ERAP1: variants seen among roughly 807,000 people sequenced by gnomAD.
ERAP1 encodes the protein endoplasmic reticulum aminopeptidase 1, also known as adipocyte-derived leucine aminopeptidase.
Under a neutral mutation model 103.7 loss-of-function variants are expected in ERAP1, and 86 were observed. That is an observed-to-expected ratio of 0.83 (90% CI 0.70 to 0.99). The LOEUF (loss-of-function observed/expected upper bound fraction) is 0.99, where lower values mean the gene tolerates loss of function less well. Ranked by LOEUF, ERAP1 falls within the 50% of genes least tolerant of loss-of-function variation. ERAP1 has a pLI of 0.00. For synonymous variants in ERAP1, 398 were observed against 402.4 expected (o/e 0.99, Z 0.13); for missense variants, 1,009 against 1,128.4 (o/e 0.89, Z 1.52).
At chr5:96,887,595 C>T in the ERAP1 span, among the ~76,000 whole-genome samples, 4 of 152,024 alleles carry the variant, frequency 2.6e-5, no homozygotes, top group Non-Finnish European at 4.4e-5. Flanking sequence ...CCACCGTGCC[C>T]GACAGTTTCC....
chr5:96,888,472 A>G, the ERAP1 span, among the ~76,000 whole-genome samples: 86,302 of 152,100 alleles, frequency 0.57, 24,652 homozygotes, highest in African/African-American at 0.62. Context: ...TAGAGTGGGC[A>G]CAAGTATTAA....
chr5:96,858,217 C>CTTTTTTTTT, the ERAP1 span, among the ~76,000 whole-genome samples: 1 of 137,128 alleles, frequency 7.3e-6, no homozygotes. Context: ...TGTTCTTCTT[C>CTTTTTTTTT]TTTTTTTTTT....
chr5:96,784,247 C>G (rs1439341468), intron 13 of ERAP1, among the ~76,000 whole-genome samples, 167 bp from the exon 14 acceptor site: 1 of 152,166 alleles, frequency 6.6e-6, no homozygotes, highest in East Asian at 1.9e-4. Flanking sequence ...GTAATCCCAG[C>G]ACTTTAGGAG....
chr5:96,870,595 C>T, the ERAP1 span, among the ~76,000 whole-genome samples: 35 of 152,140 alleles, frequency 2.3e-4, 1 homozygote, highest in East Asian at 6.8e-3. Context: ...TTCTGAGATG[C>T]CCCAGGGCTC....
At chr5:96,904,025 C>T in the ERAP1 span, among the ~76,000 whole-genome samples, 2 of 152,148 alleles carry the variant, frequency 1.3e-5, no homozygotes, top group South Asian at 4.1e-4. Flanking sequence ...AGCTGCTACA[C>T]CAAATACCGG....
At chr5:96,841,000 G>A in the ERAP1 span, among the ~76,000 whole-genome samples, 6 of 152,118 alleles carry the variant, frequency 3.9e-5, no homozygotes, top group Admixed American at 2.0e-4. Context: ...CACTGCGCCC[G>A]GCCAGGCATT....
chr5:96,788,319 G>A (rs895557324), intron 11 of ERAP1, among the ~76,000 whole-genome samples: 3 of 152,098 alleles, frequency 2.0e-5, no homozygotes, highest in Non-Finnish European at 4.4e-5. Context: ...TAATTACATC[G>A]TCACCTTTAC....
At chr5:96,915,806 A>G in the ERAP1 span, 1 of 1,471,474 alleles carries the variant, frequency 6.8e-7, no homozygotes, top group Non-Finnish European at 9.3e-7. Flanking sequence ...TTCAAAATAA[A>G]TGTTCAAATT....
chr5:96,913,370 C>A, the ERAP1 span: 1 of 1,613,998 alleles, frequency 6.2e-7, no homozygotes. Context: ...AACTTGGCAG[C>A]TCTCCTTCAT....
chr5:96,881,329 G>C, the ERAP1 span: 1 of 441,468 alleles, frequency 2.3e-6, no homozygotes, highest in East Asian at 7.0e-5. Context: ...AGTGCTTATG[G>C]AGTGAAACAA....
At chr5:96,858,284 G>A in the ERAP1 span, among the ~76,000 whole-genome samples, 2 of 145,908 alleles carry the variant, frequency 1.4e-5, no homozygotes, top group African/African-American at 5.1e-5. Context: ...GCGCTATCTT[G>A]GCTCACTCCA....
chr5:96,886,846 A>G, the ERAP1 span: 1 of 1,327,646 alleles, frequency 7.5e-7, no homozygotes, highest in Non-Finnish European at 9.8e-7. Context: ...AGAGCAATGA[A>G]CTTTTGTTTT....
Position 96,788,613 on chromosome 5 carries a change from T to C in ERAP1, c.1597A>G (p.Ile533Val). The change falls in exon 11 of 19, where the codon ATA (isoleucine) becomes GTA (valine). Residue 533 changes from isoleucine (I) to valine (V), a missense_variant. Physicochemically the swap from Ile to Val is conservative, Grantham distance 29. Around this residue, in one of 3 missense-constraint regions of ERAP1, gnomAD observed 611 missense variants for 651.7 expected, o/e 0.94. Coordinates refer to ENST00000443439, the MANE Select transcript of ERAP1 (RefSeq NM_001040458.3). The part of the protein sequence containing the change: ...TWTLQKGFPL[I>V]TITVRGRNVH... ...TTCCTCCCCCTCACTGTGATGGTTA[T>C]TAGGGGAAAACCCTTCTGCAGTGTC... The C allele has an allele frequency of 1.2e-6, 2 of 1,614,240 alleles. No homozygotes were observed. The highest frequency in any genetic ancestry group is 1.7e-6 in the Non-Finnish European group (2 of 1,180,040).
At chr5:96,828,563 T>C in the ERAP1 span, among the ~76,000 whole-genome samples, 1 of 152,290 alleles carries the variant, frequency 6.6e-6, no homozygotes, top group African/African-American at 2.4e-5. Flanking sequence ...AAGCCACACT[T>C]TCAATAGGGC....
upstream of ERAP1, among the ~76,000 whole-genome samples, chr5:96,811,107 TA>T (rs531558857): frequency 1.4e-4 from 21 of 151,544 alleles, no homozygotes; most frequent in African/African-American, 4.6e-4. Flanking sequence ...AATGCCAATT[TA>T]AAAAAAAATA....
the ERAP1 span, among the ~76,000 whole-genome samples, chr5:96,854,225 T>A: frequency 1.4e-3 from 209 of 152,348 alleles, no homozygotes; most frequent in Middle Eastern, 0.014. Flanking sequence ...AATGAGATGA[T>A]CATGCAAAGA....
the ERAP1 span, among the ~76,000 whole-genome samples, chr5:96,911,200 C>T: frequency 6.6e-6 from 1 of 152,140 alleles, no homozygotes; most frequent in Non-Finnish European, 1.5e-5. Flanking sequence ...AGGATAATAA[C>T]TATCTCAGAG....
At chr5:96,928,735 C>T in the ERAP1 span, among the ~76,000 whole-genome samples, 1 of 152,144 alleles carries the variant, frequency 6.6e-6, no homozygotes, top group Admixed American at 6.5e-5. Context: ...AGCAGAGCTC[C>T]CCATCCATGT....
the ERAP1 span, among the ~76,000 whole-genome samples, chr5:96,859,205 T>C: frequency 2.0e-5 from 3 of 152,132 alleles, no homozygotes; most frequent in Non-Finnish European, 4.4e-5. Flanking sequence ...ATTGGGTCTC[T>C]GGGCGACACA....
Sources: allele counts gnomAD v4.1 joint callset (sites outside exome capture counted in the v4.1 genomes callset), GRCh38; gene constraint gnomAD v4.1.1; regional missense constraint gnomAD v4.1.1; transcripts MANE v1.5; gene names NCBI Gene and HGNC (gene_info 2026-07-23, HGNC 2026-07-21).